The following VWF variants were observed in gnomAD, a reference collection of about 807,000 sequenced individuals.
VWF encodes the protein von Willebrand factor.
VWF carries 176 observed loss-of-function variants against 308.6 expected under a neutral mutation model. The ratio of observed to expected loss-of-function variants is 0.57; its 90% CI spans 0.50 to 0.65. The LOEUF (loss-of-function observed/expected upper bound fraction) is 0.65. VWF is among the 30% of genes least tolerant of loss of function. VWF has a pLI of 0.00. For synonymous variants in VWF, 1,385 were observed against 1,443.4 expected, an observed-to-expected ratio of 0.96 and a Z score of 0.92; for missense variants, 3,146 against 3,648.2, an observed-to-expected ratio of 0.86 and a Z score of 3.55.
chr12:6,095,040 C>T (rs1945091260), intron 6 of VWF, among the ~76,000 whole-genome samples: 1 of 151,992 alleles, frequency 6.6e-6, no homozygotes, highest in African/African-American at 2.4e-5. Context: ...TCTCGTGATC[C>T]ACCCACCTTG....
intron 7 of VWF, among the ~76,000 whole-genome samples, chr12:6,074,942 G>A (rs1284698872): frequency 1.3e-5 from 2 of 152,158 alleles, no homozygotes; most frequent in Non-Finnish European, 2.9e-5. Context: ...ACCACACACG[G>A]ACAGCCAGGT....
At chr12:6,122,775 C>T (rs1277667923) in intron 2 of VWF, 1 of 555,742 alleles carries the variant, frequency 1.8e-6, no homozygotes. Flanking sequence ...TCCTCTCTGA[C>T]CCTCAGTCTC....
intron 10 of VWF, among the ~76,000 whole-genome samples, chr12:6,068,698 A>G (rs1193187899): frequency 6.6e-6 from 1 of 152,016 alleles, no homozygotes; most frequent in Non-Finnish European, 1.5e-5. Flanking sequence ...ACCATTGGCC[A>G]GGTTGGTCTC....
chr12:6,006,527 C>T (rs888291469), intron 34 of VWF, among the ~76,000 whole-genome samples: 1 of 152,128 alleles, frequency 6.6e-6, no homozygotes, highest in Non-Finnish European at 1.5e-5. Flanking sequence ...TCTGTGATCC[C>T]AGCACTTTGG....
In VWF at chr12:6,065,416, T is replaced by C. The variant is rs183832820; in HGVS notation, c.1157-143A>G. The stretch of plus-strand genomic sequence containing the variant: ...TTGCCCAAACCAGTCTAAAAACAAG[T>C]TCTACGAGAAAATTCGGTTCCTGCT... On this transcript the variant is annotated intron_variant, in intron 10 of 51. Transcript: ENST00000261405. 4 of 1,130,592 alleles carry C rather than the reference T, an allele frequency of 3.5e-6. No homozygotes were observed. In the Admixed American group the frequency reaches 8.0e-5, roughly 23 times the overall value. The allele number at this position is 1,130,592 out of a possible 1,614,324, so 70.0% of individuals were successfully genotyped here.
intron 18 of VWF, among the ~76,000 whole-genome samples, chr12:6,042,902 A>C (rs1483346008): frequency 1.3e-5 from 2 of 152,194 alleles, no homozygotes; most frequent in Non-Finnish European, 2.9e-5. Flanking sequence ...AGTATGATGA[A>C]GAGACAATGA....
intron 34 of VWF, among the ~76,000 whole-genome samples, chr12:5,999,503 C>CACACACACACACA (rs1555193386): frequency 6.7e-6 from 1 of 149,296 alleles, no homozygotes; most frequent in Non-Finnish European, 1.5e-5. Flanking sequence ...CACACACACA[C>CACACACACACACA]CACTAAGGAA....
chr12:6,082,324 A>C (rs1199252335), intron 6 of VWF, among the ~76,000 whole-genome samples: 3 of 152,224 alleles, frequency 2.0e-5, no homozygotes, highest in African/African-American at 7.2e-5. Flanking sequence ...GAATCAAAAA[A>C]TGTTTTAAAT....
At chr12:6,057,480 T>TTTATTTATTATTATTATTA (rs113015394) in intron 14 of VWF, among the ~76,000 whole-genome samples, 13 of 129,560 alleles carry the variant, frequency 1.0e-4, no homozygotes, top group Non-Finnish European at 1.9e-4. Context: ...GCCCGGCAAA[T>TTTATTTATTATTATTATTA]TTATTATTAT....
At chr12:6,090,386 CA>C (rs1171125794) in intron 6 of VWF, among the ~76,000 whole-genome samples, 1 of 152,168 alleles carries the variant, frequency 6.6e-6, no homozygotes, top group Non-Finnish European at 1.5e-5. Context: ...GATATCTGGG[CA>C]CCTTGTTTTC....
chr12:6,028,611 T>C (rs1944221247), intron 22 of VWF, among the ~76,000 whole-genome samples: 1 of 152,194 alleles, frequency 6.6e-6, no homozygotes, highest in African/African-American at 2.4e-5. Context: ...ATATTCAACA[T>C]TCTTAAAGAA....
At chr12:6,052,246 C>T (rs1036420399) in intron 16 of VWF, among the ~76,000 whole-genome samples, 1 of 152,144 alleles carries the variant, frequency 6.6e-6, no homozygotes, top group East Asian at 1.9e-4. Context: ...TTTTCCTGTT[C>T]CAGAAAAGGA....
intron 14 of VWF, among the ~76,000 whole-genome samples, chr12:6,057,476 C>A (rs1228502970): frequency 1.2e-5 from 1 of 86,714 alleles, no homozygotes; most frequent in African/African-American, 4.0e-5. Flanking sequence ...CCACGCCCGG[C>A]AAATTTATTA....
intron 34 of VWF, among the ~76,000 whole-genome samples, chr12:6,002,644 A>T (rs1368043026): frequency 1.3e-5 from 2 of 152,088 alleles, no homozygotes; most frequent in Non-Finnish European, 2.9e-5. Context: ...GAATTAGAGT[A>T]AGTTAGTAGG....
intron 47 of VWF, 132 bp downstream of exon 47, chr12:5,967,354 T>C (rs781035747): frequency 2.4e-6 from 2 of 820,790 alleles, no homozygotes; most frequent in Non-Finnish European, 2.1e-6. Context: ...CTCTTCTTTA[T>C]TATTGTCAAT....
intron 10 of VWF, among the ~76,000 whole-genome samples, chr12:6,067,993 G>A (rs961586198): frequency 6.6e-6 from 1 of 151,866 alleles, no homozygotes; most frequent in African/African-American, 2.4e-5. Flanking sequence ...AAATTAGCCG[G>A]GTGTGGTGGC....
rs773136720 is a variant in VWF, at chr12:6,012,140, A to G, written c.5621-10T>C. 1 of 1,613,964 alleles carries G rather than the reference A, an allele frequency of 6.2e-7. No individual in the cohort carries two copies. Among genetic ancestry groups the G allele is most frequent in the Non-Finnish European group, 8.5e-7 (1 of 1,179,852 alleles). ...CAAATCCTAACAAATCCTGCAACAG[A>G]CACAAATAAGACCTTAGTTCCCATC... On this transcript the variant is annotated splice_polypyrimidine_tract_variant and intron_variant, in intron 32 of 51. Transcript: ENST00000261405.
At chr12:6,004,244 A>G (rs1943903728) in intron 34 of VWF, among the ~76,000 whole-genome samples, 1 of 152,184 alleles carries the variant, frequency 6.6e-6, no homozygotes, top group South Asian at 2.1e-4. Flanking sequence ...GAAAATAACA[A>G]AGCATAGCCA....
At position 6,020,029 on chromosome 12, in the gene VWF, T is replaced by C. The variant is rs1166362722; in HGVS notation, c.3675-286A>G. ...ATATGAAAAAATATACTCGTTGTTC[T>C]AGGCCATCCACACAACCACTCAAAG... On this transcript the variant is annotated intron_variant, in intron 27 of 51. Transcript: ENST00000261405. The surrounding 1 kb of genome is among the most constrained non-coding windows in gnomAD (Gnocchi z 4.3). 6.6e-6 allele frequency among the ~76,000 whole-genome samples: 1 copy of C among 152,260 alleles called. No homozygotes were observed. The highest frequency in any genetic ancestry group is 6.5e-5 in the Admixed American group (1 of 15,290).
Sources: allele counts gnomAD v4.1 joint callset (sites outside exome capture counted in the v4.1 genomes callset), GRCh38; gene constraint gnomAD v4.1.1; non-coding constraint Gnocchi (gnomAD v3.1); transcripts MANE v1.5; gene names NCBI Gene and HGNC (gene_info 2026-07-23, HGNC 2026-07-21).